The following RPS6KA2 variants were observed in gnomAD, a reference collection of about 807,000 sequenced individuals.
RPS6KA2 encodes the protein ribosomal protein S6 kinase alpha-2.
In RPS6KA2, 42 loss-of-function variants were observed where a neutral mutation model predicts 91.8. The ratio of observed to expected loss-of-function variants is 0.46; its 90% confidence interval spans 0.36 to 0.59. The LOEUF (loss-of-function observed/expected upper bound fraction) is 0.59. Among genes scored for constraint, RPS6KA2 ranks in the 20% least tolerant of loss-of-function variants. The probability of loss-of-function intolerance (pLI) is 0.00; values close to 1 mark genes in which losing one functional copy is unlikely to be tolerated. For synonymous variants in RPS6KA2, 414 were observed against 393.6 expected, an observed-to-expected ratio of 1.05 and a Z score of -0.61; for missense variants, 798 against 978.5, an observed-to-expected ratio of 0.82 and a Z score of 2.46.
intron 2 of RPS6KA2, among the ~76,000 whole-genome samples, chr6:166,696,750 A>G: frequency 6.6e-6 from 1 of 152,180 alleles, no homozygotes; most frequent in East Asian, 1.9e-4. Flanking sequence ...AAAGGACAGA[A>G]CAGAAAAGCC....
chr6:166,534,221 C>CAAAAAAAAAAAAA (rs34585369), intron 2 of RPS6KA2, among the ~76,000 whole-genome samples: 3 of 59,344 alleles, frequency 5.1e-5, no homozygotes, highest in African/African-American at 1.3e-4. Flanking sequence ...GACTCTGTCT[C>CAAAAAAAAAAAAA]AAAAAAAAAA....
chr6:166,496,779 G>A (rs1008109156), intron 8 of RPS6KA2, among the ~76,000 whole-genome samples: 44 of 152,322 alleles, frequency 2.9e-4, no homozygotes, highest in African/African-American at 9.6e-4. Flanking sequence ...TGTGCAGCGT[G>A]GCCAGCCCTG....
intron 2 of RPS6KA2, among the ~76,000 whole-genome samples, chr6:166,820,491 TA>T (rs1779882444): frequency 1.3e-5 from 2 of 152,202 alleles, no homozygotes; most frequent in African/African-American, 4.8e-5. Context: ...GTCTTGGGAA[TA>T]TAAAGGCTTT....
intron 2 of RPS6KA2, among the ~76,000 whole-genome samples, chr6:166,844,900 A>G (rs2128630899): frequency 6.6e-6 from 1 of 152,324 alleles, no homozygotes; most frequent in Non-Finnish European, 1.5e-5. Flanking sequence ...TCAGGCAACA[A>G]ATAGCACAAT....
In RPS6KA2 at chr6:166,656,537, C is replaced by T. The variant is rs1430880028; in HGVS notation, c.124-117753G>A. ...AACAGCCATTCCCCTCCAGCAGGGC[C>T]TCGGCAGGTGGGCCCGGCAGGTGCT... On this transcript the variant is annotated intron_variant, in intron 2 of 21. Coordinates refer to the RPS6KA2 transcript ENST00000503859. 5.3e-5 allele frequency among the ~76,000 whole-genome samples: 8 copies of T among 152,354 alleles called. No individual in the cohort carries two copies. The South Asian group carries it at 8.3e-4, about 16-fold the overall frequency.
At chr6:166,430,346 CCA>C in intron 16 of RPS6KA2, 105 bp downstream of exon 16, 1 of 1,016,162 alleles carries the variant, frequency 9.8e-7, no homozygotes, top group Non-Finnish European at 1.5e-6. Flanking sequence ...GGAAGGAATT[CCA>C]GGACAATCCG....
intron 19 of RPS6KA2, among the ~76,000 whole-genome samples, chr6:166,415,075 A>C (rs1778452087): frequency 6.6e-6 from 1 of 152,230 alleles, no homozygotes; most frequent in Non-Finnish European, 1.5e-5. Context: ...AAACAAACAA[A>C]CAAACAAAAA....
intron 2 of RPS6KA2, among the ~76,000 whole-genome samples, chr6:166,645,430 A>G (rs969355041): frequency 9.2e-5 from 14 of 152,162 alleles, no homozygotes; most frequent in African/African-American, 2.9e-4. Flanking sequence ...CGCTTTCTAT[A>G]TATTTCCCCT....
chr6:166,412,653 C>T lies in RPS6KA2; in HGVS notation c.*109G>A. 1 of 1,160,404 alleles carries T rather than the reference C, an allele frequency of 8.6e-7. No homozygotes were observed. Among genetic ancestry groups the T allele is most frequent in the Non-Finnish European group, 1.2e-6 (1 of 847,658 alleles). The allele number at this position is 1,160,404 out of a possible 1,614,324, so 71.9% of individuals were successfully genotyped here. ...ACGGACACGGCGAGGGCGGGCGCCG[C>T]CTCCCTGCTGGACTTGTGGTCACTC... is the stretch of plus-strand genomic sequence containing the variant. On this transcript the variant is annotated 3_prime_UTR_variant, in exon 21 of 21. Coordinates refer to ENST00000265678, the MANE Select transcript of RPS6KA2 (RefSeq NM_021135.6). This position sits in a 1 kb window ranked among gnomAD's most constrained non-coding sequence, Gnocchi z 4.3.
At chr6:166,862,043 T>C in intron 1 of RPS6KA2, 2 of 1,604,462 alleles carry the variant, frequency 1.2e-6, no homozygotes, top group Non-Finnish European at 1.7e-6. Context: ...AAATGAGCAA[T>C]GCATTGGCTG....
chr6:166,694,233 C>A (rs1019689806), intron 2 of RPS6KA2, among the ~76,000 whole-genome samples: 12 of 152,240 alleles, frequency 7.9e-5, no homozygotes, highest in Admixed American at 7.2e-4. Flanking sequence ...TTGACCAACA[C>A]AGGAACCGGC....
At chr6:166,613,634 C>CT (rs1786280090) in intron 1 of RPS6KA2, among the ~76,000 whole-genome samples, 3 of 152,350 alleles carry the variant, frequency 2.0e-5, no homozygotes, top group African/African-American at 7.2e-5. Context: ...GCTCCGAGAG[C>CT]TTGCTAGCTC....
At chr6:166,469,495 C>T (rs892889060) in intron 11 of RPS6KA2, among the ~76,000 whole-genome samples, 2 of 152,088 alleles carry the variant, frequency 1.3e-5, no homozygotes, top group Non-Finnish European at 2.9e-5. Flanking sequence ...AGAAGACAGT[C>T]ACTCCTGGAG....
intron 2 of RPS6KA2, among the ~76,000 whole-genome samples, chr6:166,814,112 T>C (rs1380265994): frequency 6.6e-6 from 1 of 152,236 alleles, no homozygotes; most frequent in African/African-American, 2.4e-5. Context: ...TACGTATGGT[T>C]TTATGCCTAA....
At chr6:166,644,802 C>T (rs1015408165) in intron 2 of RPS6KA2, among the ~76,000 whole-genome samples, 8 of 152,318 alleles carry the variant, frequency 5.3e-5, no homozygotes, top group African/African-American at 1.9e-4. Context: ...CAAATGAAAT[C>T]AAGTTAACAT....
intron 1 of RPS6KA2, among the ~76,000 whole-genome samples, chr6:166,597,568 C>T (rs1286600298): frequency 6.6e-6 from 1 of 152,132 alleles, no homozygotes; most frequent in Non-Finnish European, 1.5e-5. Context: ...ATAGAGGAGA[C>T]ATTTAACACA....
chr6:166,520,990 A>G (rs575841692), intron 3 of RPS6KA2, among the ~76,000 whole-genome samples: 38 of 152,340 alleles, frequency 2.5e-4, no homozygotes, highest in African/African-American at 8.9e-4. Flanking sequence ...CTGCAAGGGC[A>G]CTGCCTCACA....
chr6:166,564,803 G>C lies in RPS6KA2; in HGVS notation c.100-26019C>G, dbSNP rs544629768. On this transcript the variant is annotated intron_variant, in intron 1 of 20. Transcript: ENST00000265678. ...ACGGATCAAGGTCGAGGGCTGCAGC[G>C]TGTCCCTGCGGCAGCATCACCTTTC... 2.0e-5 allele frequency among the ~76,000 whole-genome samples: 3 copies of C among 152,170 alleles called. No homozygotes were observed. The East Asian group carries it at 5.8e-4, about 29-fold the overall frequency.
At chr6:166,463,067 C>T (rs1336031398) in intron 11 of RPS6KA2, 2 of 152,262 alleles carry the variant, frequency 1.3e-5, no homozygotes, top group African/African-American at 4.8e-5. Context: ...CAACTGGAGC[C>T]GGTCACTCTG....
Sources: gnomAD v4.1 joint callset for allele counts (sites outside exome capture counted in the v4.1 genomes callset) on GRCh38, gnomAD v4.1.1 for gene constraint, Gnocchi (gnomAD v3.1) non-coding constraint, MANE v1.5 for transcripts, NCBI Gene and HGNC (gene_info 2026-07-23, HGNC 2026-07-21) for gene names.